ANK3: variants seen among roughly 807,000 people sequenced by gnomAD.
ANK3 encodes the protein ankyrin 3, also known as ankyrin-3.
A neutral mutation model predicts 370.9 loss-of-function variants in ANK3; 57 were observed. The observed-to-expected ratio is 0.15, with a 90% confidence interval of 0.12 to 0.19. The LOEUF (loss-of-function observed/expected upper bound fraction) is 0.19. Ranked by LOEUF, ANK3 falls within the 10% of genes least tolerant of loss-of-function variation. The probability of loss-of-function intolerance (pLI) is 1.00; values close to 1 mark genes in which losing one functional copy is unlikely to be tolerated. For synonymous variants in ANK3, 1,929 were observed against 1,946.3 expected (o/e 0.99, Z 0.23); for missense variants, 4,439 against 5,302.1 (o/e 0.84, Z 5.06).
chr10:60,199,228 G>GA (rs2096635232), intron 13 of ANK3, among the ~76,000 whole-genome samples: 1 of 152,200 alleles, frequency 6.6e-6, no homozygotes, highest in Admixed American at 6.5e-5. Flanking sequence ...CCCTGTGGTA[G>GA]TCCTCTAAAT....
chr10:60,525,088 A>G (rs968935178), intron 2 of ANK3, among the ~76,000 whole-genome samples: 2 of 152,128 alleles, frequency 1.3e-5, no homozygotes, highest in Admixed American at 6.6e-5. Context: ...AGAAATTCCA[A>G]CCCATAGGAC....
chr10:60,164,798 G>C (rs372540373), intron 23 of ANK3, among the ~76,000 whole-genome samples: 1 of 152,324 alleles, frequency 6.6e-6, no homozygotes. Flanking sequence ...TGTTTGCTCA[G>C]ACTGAGTGAC....
At chr10:60,373,261 G>T (rs1460389088) in intron 1 of ANK3, among the ~76,000 whole-genome samples, 1 of 152,224 alleles carries the variant, frequency 6.6e-6, no homozygotes, top group Non-Finnish European at 1.5e-5. Context: ...CAGGCCAGGG[G>T]CCTCTTGTGT....
chr10:60,427,984 G>C (rs547168086), intron 2 of ANK3, among the ~76,000 whole-genome samples: 1 of 152,238 alleles, frequency 6.6e-6, no homozygotes, highest in South Asian at 2.1e-4. Flanking sequence ...GAAGAGGCTG[G>C]CATGCACTTT....
rs201289326 is a variant in ANK3, at chr10:60,069,821, G to T, written c.11060C>A (p.Pro3687Gln). Residue 3687 changes from proline to glutamine, a missense_variant, in exon 37 of 44, where the codon CCG (proline) becomes CAG (glutamine). Around this residue, in one of 13 missense-constraint regions of ANK3, gnomAD observed 496 missense variants for 529.3 expected, o/e 0.94. Coordinates refer to ENST00000280772, the MANE Select transcript of ANK3 (RefSeq NM_020987.5). ...GCCTTCCTGACACTCTCCGCTGGTC[G>T]GGATGCTGGGGTTAGGTTCCACTGT... ...TPTVEPNPSI[P>Q]TSGECQEGTS... 1 of 1,614,040 alleles carries T rather than the reference G, an allele frequency of 6.2e-7. No homozygotes were observed. The highest frequency in any genetic ancestry group is 8.5e-7 in the Non-Finnish European group (1 of 1,180,002).
chr10:60,419,190 T>A (rs1567024794), intron 2 of ANK3, among the ~76,000 whole-genome samples: 1 of 152,132 alleles, frequency 6.6e-6, no homozygotes, highest in African/African-American at 2.4e-5. Context: ...TGGAAAGAGA[T>A]GAATTTAAAG....
chr10:60,301,779 C>T (rs1443699887), intron 1 of ANK3, among the ~76,000 whole-genome samples: 1 of 152,136 alleles, frequency 6.6e-6, no homozygotes, highest in East Asian at 1.9e-4. Flanking sequence ...AGATATGCAA[C>T]ACTTTAGGCA....
At chr10:60,537,462 C>T (rs548042236) in intron 2 of ANK3, among the ~76,000 whole-genome samples, 5 of 151,898 alleles carry the variant, frequency 3.3e-5, no homozygotes, top group Middle Eastern at 3.4e-3. Flanking sequence ...TCACATCATA[C>T]GCACAGAAAA....
At chr10:60,198,232 G>A (rs111412563) in intron 14 of ANK3, 108 bp downstream of exon 14, 43 of 1,099,042 alleles carry the variant, frequency 3.9e-5, no homozygotes, top group African/African-American at 3.1e-4. Context: ...CTGTGGGATC[G>A]CAAGAATAGA....
chr10:60,243,233 T>C (rs544854561), intron 7 of ANK3, among the ~76,000 whole-genome samples: 3 of 152,216 alleles, frequency 2.0e-5, no homozygotes, highest in Non-Finnish European at 4.4e-5. Flanking sequence ...TAGTACTTAC[T>C]CATATCATAG....
intron 1 of ANK3, among the ~76,000 whole-genome samples, chr10:60,364,219 C>G (rs7920557): frequency 1 from 149,588 of 150,250 alleles, 74,464 homozygotes; most frequent in Middle Eastern, 1. Context: ...GCTTGAACCT[C>G]GGAGGCAGAG....
At position 60,237,439 on chromosome 10, in the gene ANK3, C is replaced by A. The variant is rs569291095; in HGVS notation, c.799-2653G>T. On this transcript the variant is annotated intron_variant, in intron 7 of 43. Coordinates refer to ENST00000280772, the MANE Select transcript of ANK3 (RefSeq NM_020987.5). Reference sequence around the variant, plus strand: ...CCATTTCCCTTTAAAACTATGCCCTCACTGGTTGAGAAAGACTTAATTAAC... The same window carrying A: ...CCATTTCCCTTTAAAACTATGCCCTAACTGGTTGAGAAAGACTTAATTAAC... Among the ~76,000 whole-genome samples the A allele has an allele frequency of 2.6e-5, 4 of 151,704 alleles. No homozygotes were observed. In the East Asian group the frequency reaches 7.7e-4, roughly 29 times the overall value.
At chr10:60,153,030 A>G (rs1479082141) in intron 23 of ANK3, among the ~76,000 whole-genome samples, 1 of 152,250 alleles carries the variant, frequency 6.6e-6, no homozygotes, top group East Asian at 1.9e-4. Context: ...CTTATATAAG[A>G]AAGTTTGTAA....
chr10:60,415,797 A>G (rs767213638), intron 2 of ANK3, among the ~76,000 whole-genome samples: 31 of 152,080 alleles, frequency 2.0e-4, no homozygotes, highest in Non-Finnish European at 4.4e-4. Context: ...AAAAATTTTA[A>G]TGGGCAATAG....
chr10:60,290,123 G>T (rs139311331), intron 1 of ANK3, among the ~76,000 whole-genome samples: 30 of 152,260 alleles, frequency 2.0e-4, no homozygotes, highest in East Asian at 3.9e-4. Context: ...ATTTCCCACC[G>T]ATTTCAGAAG....
At chr10:60,198,133 A>G (rs1316995652) in intron 14 of ANK3, among the ~76,000 whole-genome samples, 1 of 152,202 alleles carries the variant, frequency 6.6e-6, no homozygotes, top group Non-Finnish European at 1.5e-5. Flanking sequence ...AAGATAACAT[A>G]CTAAGAAACT....
chr10:60,622,746 G>C (rs1475725796), intron 1 of ANK3, among the ~76,000 whole-genome samples: 1 of 152,138 alleles, frequency 6.6e-6, no homozygotes, highest in Non-Finnish European at 1.5e-5. Flanking sequence ...AAGAAAATGG[G>C]CTTTTAAAAT....
intron 23 of ANK3, among the ~76,000 whole-genome samples, chr10:60,151,158 T>C (rs762131127): frequency 4.3e-4 from 65 of 152,340 alleles, no homozygotes; most frequent in Non-Finnish European, 7.2e-4. Flanking sequence ...AAGTAACATT[T>C]CCTGAGTTCT....
At chr10:60,395,588 CTTTCTTTCTTTCTT>C (rs2063210811) in intron 2 of ANK3, among the ~76,000 whole-genome samples, 1 of 126,210 alleles carries the variant, frequency 7.9e-6, no homozygotes, top group Non-Finnish European at 1.6e-5. Flanking sequence ...TTCTTTCTTT[CTTTCTTTCTTTCTT>C]TCTTTCTCTC....
Sources: allele counts gnomAD v4.1 joint callset (sites outside exome capture counted in the v4.1 genomes callset), GRCh38; gene constraint gnomAD v4.1.1; regional missense constraint gnomAD v4.1.1; transcripts MANE v1.5; gene names NCBI Gene and HGNC (gene_info 2026-07-23, HGNC 2026-07-21).